CTTNBP2: variants seen among roughly 807,000 people sequenced by gnomAD.
CTTNBP2 encodes cortactin-binding protein 2.
CTTNBP2 carries 108 observed loss-of-function variants against 156.9 expected under a neutral mutation model. The observed-to-expected ratio is 0.69, with a 90% CI of 0.59 to 0.81. CTTNBP2 has a LOEUF of 0.81. CTTNBP2 is among the 30% of genes least tolerant of loss of function. The pLI is 0.00. For synonymous variants in CTTNBP2, 767 were observed against 751.8 expected, an observed-to-expected ratio of 1.02 and a Z score of -0.33; for missense variants, 1,924 against 2,035.4, an observed-to-expected ratio of 0.95 and a Z score of 1.05.
chr7:117,817,752 CAA>C (rs560770784), intron 2 of CTTNBP2, among the ~76,000 whole-genome samples: 2 of 151,518 alleles, frequency 1.3e-5, no homozygotes, highest in East Asian at 1.9e-4. Flanking sequence ...ATAATACTAA[CAA>C]AAAAAACTTT....
Position 117,711,203 on chromosome 7 carries a change from A to G in CTTNBP2, c.*334T>C, listed in dbSNP as rs1477796631. On this transcript the variant is annotated 3_prime_UTR_variant, in exon 23 of 23. Coordinates refer to ENST00000160373, the MANE Select transcript of CTTNBP2 (RefSeq NM_033427.3). ...TCTGGACTTCCTTAAATATACATAC[A>G]TATATACATATATACAGATATACAG... 1.1e-5 allele frequency: 2 copies of G among 177,308 alleles called. No individual in the cohort carries two copies. Among genetic ancestry groups the G allele is most frequent in the Admixed American group, 1.1e-4 (2 of 17,914 alleles). 11.0% of individuals were successfully genotyped at this position (177,308 alleles called of 1,614,324 possible).
chr7:117,861,094 G>T (rs947828580), intron 2 of CTTNBP2, 115 bp downstream of exon 2: 2 of 663,410 alleles, frequency 3.0e-6, no homozygotes, highest in Non-Finnish European at 5.3e-6. Context: ...ATTTTGACCT[G>T]ATGTAACATT....
In CTTNBP2 at chr7:117,784,244, T is replaced by C. The variant is rs1163059999; in HGVS notation, c.2272+7A>G. On this transcript the variant is annotated splice_region_variant and intron_variant, in intron 5 of 22. Coordinates refer to ENST00000160373, the MANE Select transcript of CTTNBP2 (RefSeq NM_033427.3). ...AAGTGTGTGGTATAAGATCTCGCCA[T>C]ATTTACCTGTATGTCCATTCTTAGC... The C allele has an allele frequency of 6.3e-6, 10 of 1,593,928 alleles. No individual in the cohort carries two copies. The African/African-American group carries it at 6.7e-5, about 11-fold the overall frequency.
At chr7:117,745,308 G>A (rs1442614383) in intron 14 of CTTNBP2, among the ~76,000 whole-genome samples, 5 of 152,166 alleles carry the variant, frequency 3.3e-5, no homozygotes, top group Non-Finnish European at 7.4e-5. Flanking sequence ...GGGCTGTTGT[G>A]GAGACTGAAT....
At chr7:117,717,916 G>A in intron 22 of CTTNBP2, 102 bp downstream of exon 22, 1 of 727,774 alleles carries the variant, frequency 1.4e-6, no homozygotes, top group South Asian at 1.7e-5. Flanking sequence ...TCTTAGCTTT[G>A]GTTTAAAAAA....
chr7:117,823,201 TCACA>T (rs1801070963), intron 2 of CTTNBP2, among the ~76,000 whole-genome samples: 1 of 152,216 alleles, frequency 6.6e-6, no homozygotes, highest in Non-Finnish European at 1.5e-5. Context: ...CAAGACTCTC[TCACA>T]ATGTTCATTT....
rs752224271 is a variant in CTTNBP2 at position 117,757,880 on chromosome 7, A to C, written c.3263T>G (p.Leu1088Trp). 1 of 1,606,120 alleles carries C rather than the reference A, an allele frequency of 6.2e-7. No homozygotes were observed. The highest frequency in any genetic ancestry group is 1.7e-5 in the Admixed American group (1 of 58,688). Residue 1088 changes from leucine (L) to tryptophan (W), a missense_variant, in exon 11 of 23, where the codon TTG becomes TGG. Physicochemically the swap from Leu to Trp is moderately conservative, Grantham distance 61. Transcript: ENST00000160373. Reference sequence around the variant, plus strand: ...TTAGTTAGGGACATCCTTACCTGACAAAAGCACAGTGATGTGCTCTGCCTT... The same window carrying C: ...TTAGTTAGGGACATCCTTACCTGACCAAAGCACAGTGATGTGCTCTGCCTT... Reference protein sequence around the residue: ...KNKAEHITVLLSGPQEGCLSS... With the variant: ...KNKAEHITVLWSGPQEGCLSS...
intron 2 of CTTNBP2, among the ~76,000 whole-genome samples, chr7:117,832,437 A>C (rs1801666869): frequency 6.6e-6 from 1 of 152,022 alleles, no homozygotes; most frequent in African/African-American, 2.4e-5. Context: ...ATTTCTCCAA[A>C]TCTGTCAAGA....
intron 3 of CTTNBP2, among the ~76,000 whole-genome samples, chr7:117,804,356 C>T (rs946793060): frequency 3.9e-5 from 6 of 152,114 alleles, no homozygotes; most frequent in Non-Finnish European, 5.9e-5. Flanking sequence ...GGGGATCATA[C>T]GCCTTTTGAA....
chr7:117,769,168 C>G (rs979941234), intron 8 of CTTNBP2, among the ~76,000 whole-genome samples: 2 of 152,188 alleles, frequency 1.3e-5, no homozygotes, highest in African/African-American at 2.4e-5. Flanking sequence ...TACATGAGTT[C>G]CAGTTGCTTC....
At chr7:117,715,490 AAAAG>A (rs1562944207) in intron 22 of CTTNBP2, among the ~76,000 whole-genome samples, 3 of 151,664 alleles carry the variant, frequency 2.0e-5, no homozygotes, top group Admixed American at 2.0e-4. Flanking sequence ...AAAAAAAAAA[AAAAG>A]AAGCCTCAAG....
chr7:117,775,785 CTT>C (rs1462603261), intron 8 of CTTNBP2, among the ~76,000 whole-genome samples: 2 of 152,132 alleles, frequency 1.3e-5, no homozygotes, highest in African/African-American at 4.8e-5. Context: ...CATTTTCCAT[CTT>C]TGTCTCCCAA....
chr7:117,797,893 AG>A (rs1217276213), intron 3 of CTTNBP2, among the ~76,000 whole-genome samples: 2 of 152,166 alleles, frequency 1.3e-5, no homozygotes, highest in Non-Finnish European at 2.9e-5. Context: ...ATATCTTGGA[AG>A]AAAAAATGGC....
intron 12 of CTTNBP2, 48 bp from the exon 13 acceptor site, chr7:117,746,147 G>A (rs78638481): frequency 3.0e-6 from 4 of 1,350,776 alleles, no homozygotes; most frequent in South Asian, 2.4e-5. Flanking sequence ...CTAAATTGAT[G>A]AGAGAAAAAA....
Position 117,767,336 on chromosome 7 carries a change from C to G in CTTNBP2, c.2779-160G>C, listed in dbSNP as rs1019464667. 4 of 583,426 alleles carry G rather than the reference C, an allele frequency of 6.9e-6. No homozygotes were observed. In the African/African-American group the frequency reaches 7.4e-5, roughly 11 times the overall value. The allele number at this position is 583,426 out of a possible 1,614,324, so 36.1% of individuals were successfully genotyped here. ...CCCCAATATACAGATTAATCTTAAA[C>G]TAAACAATGTCTAGAAATGCAAAAC... On this transcript the variant is annotated intron_variant, in intron 8 of 22. Coordinates refer to ENST00000160373, the MANE Select transcript of CTTNBP2 (RefSeq NM_033427.3).
Position 117,791,658 on chromosome 7 carries a change from G to A in CTTNBP2, c.1538C>T (p.Pro513Leu), listed in dbSNP as rs1310592825. The stretch of plus-strand genomic sequence containing the variant: ...GTGGGTGCCAACATCCCCTGTTGGG[G>A]GCACTCCAGGCCTTGAGGGAGCACC... Reference protein sequence around the residue: ...QAGAPSRPGVPPTGDVGTHPP... With the variant: ...QAGAPSRPGVLPTGDVGTHPP... Residue 513 changes from proline (P) to leucine (L), a missense_variant, in exon 4 of 23, where the codon CCC becomes CTC. Physicochemically the swap from Pro to Leu is moderately conservative, Grantham distance 98. Transcript: ENST00000160373. 1 of 1,614,166 alleles carries A rather than the reference G, an allele frequency of 6.2e-7. No homozygotes were observed. The highest frequency in any genetic ancestry group is 8.5e-7 in the Non-Finnish European group (1 of 1,180,044).
chr7:117,793,369 T>C (rs964633652), intron 3 of CTTNBP2: 1 of 152,190 alleles, frequency 6.6e-6, no homozygotes, highest in Non-Finnish European at 1.5e-5. Context: ...TAAAGAACGA[T>C]CTTATTAGAA....
chr7:117,789,670 T>C (rs745668477), intron 4 of CTTNBP2, among the ~76,000 whole-genome samples: 4 of 152,340 alleles, frequency 2.6e-5, no homozygotes, highest in East Asian at 1.9e-4. Context: ...TCAAAAATAC[T>C]GTAAGCAACA....
chr7:117,729,195 A>T (rs1260376127), intron 16 of CTTNBP2, among the ~76,000 whole-genome samples: 1 of 152,238 alleles, frequency 6.6e-6, no homozygotes, highest in Non-Finnish European at 1.5e-5. Flanking sequence ...ATCACATTTC[A>T]CAGTACCCAA....
Sources: gnomAD v4.1 joint callset for allele counts (sites outside exome capture counted in the v4.1 genomes callset) on GRCh38, gnomAD v4.1.1 for gene constraint, MANE v1.5 for transcripts, NCBI Gene and HGNC (gene_info 2026-07-23, HGNC 2026-07-21) for gene names.